The following PCDH17 variants were observed in gnomAD, a reference collection of about 807,000 sequenced individuals.
PCDH17 encodes the protein protocadherin 17, also known as protocadherin-17.
In PCDH17, 21 loss-of-function variants were observed where a neutral mutation model predicts 67.7. The ratio of observed to expected loss-of-function variants is 0.31; its 90% CI spans 0.22 to 0.45. The LOEUF (loss-of-function observed/expected upper bound fraction) is 0.45. PCDH17 is among the 20% of genes least tolerant of loss of function. The pLI is 1.00. For missense variants in PCDH17, 1,471 were observed against 1,564.8 expected, an observed-to-expected ratio of 0.94 and a Z score of 1.01; for synonymous variants, 701 against 656.7, an observed-to-expected ratio of 1.07 and a Z score of -1.03.
rs114034463 is a variant in PCDH17, at chr13:57,697,132, C to T, written c.2798-27480C>T. ...GGCACCTGCTTCAGTTTTCAAATGC[C>T]CCTCTCTTCATTAAGCTGCATGAGC... On this transcript the variant is annotated intron_variant, in intron 3 of 3. Transcript: ENST00000377918. 3.6e-3 allele frequency among the ~76,000 whole-genome samples: 546 copies of T among 151,560 alleles called. 5 individuals are homozygous for T. The highest frequency in any genetic ancestry group is 0.013 in the African/African-American group (525 of 41,444).
At chr13:57,718,743 T>C (rs1290586671) in intron 3 of PCDH17, among the ~76,000 whole-genome samples, 1 of 152,052 alleles carries the variant, frequency 6.6e-6, no homozygotes, top group Non-Finnish European at 1.5e-5. Context: ...ATGAGATTTC[T>C]GTTTTAGCAT....
chr13:57,632,480 G>C lies in PCDH17; in HGVS notation c.-67G>C, dbSNP rs1431215852. On this transcript the variant is annotated 5_prime_UTR_variant, in exon 1 of 4. Coordinates refer to ENST00000377918, the MANE Select transcript of PCDH17 (RefSeq NM_001040429.3). ...CGCGCACGCTGCGCCAGGGCCCCAGGCTGGCGCGCACTCCCTCTCTGGCTC... is the reference window on the plus strand; with the variant it reads ...CGCGCACGCTGCGCCAGGGCCCCAGCCTGGCGCGCACTCCCTCTCTGGCTC... The C allele has an allele frequency of 1.3e-6, 2 of 1,501,200 alleles. No individual in the cohort carries two copies. The highest frequency in any genetic ancestry group is 9.0e-7 in the Non-Finnish European group (1 of 1,112,878). The allele number at this position is 1,501,200 out of a possible 1,614,324, so 93.0% of individuals were successfully genotyped here.
At chr13:57,713,676 T>C (rs1037550688) in intron 3 of PCDH17, among the ~76,000 whole-genome samples, 1 of 151,636 alleles carries the variant, frequency 6.6e-6, no homozygotes, top group Non-Finnish European at 1.5e-5. Flanking sequence ...ATAGGAGACA[T>C]TTGTATGTAT....
chr13:57,687,774 G>A (rs1955521524), intron 3 of PCDH17, among the ~76,000 whole-genome samples: 1 of 151,990 alleles, frequency 6.6e-6, no homozygotes, highest in South Asian at 2.1e-4. Context: ...CCACACAAAA[G>A]GATGAATAAC....
chr13:57,686,841 T>C (rs960986529), intron 3 of PCDH17, among the ~76,000 whole-genome samples: 1 of 152,044 alleles, frequency 6.6e-6, no homozygotes, highest in African/African-American at 2.4e-5. Flanking sequence ...ATTAAATAAT[T>C]CGAAAACTTC....
rs1468622286 is a variant in PCDH17, at chr13:57,725,275, C to T, written c.3461C>T (p.Pro1154Leu). 3.1e-6 allele frequency: 5 copies of T among 1,593,764 alleles called. No individual in the cohort carries two copies. The highest frequency in any genetic ancestry group is 4.3e-6 in the Non-Finnish European group (5 of 1,172,316). Reference sequence around the variant, plus strand: ...TTGCAAGACTGCCGGGGAAACGACCCTGTGGCTGTGAGAAAGTGAAAAAAG... The same window carrying T: ...TTGCAAGACTGCCGGGGAAACGACCTTGTGGCTGTGAGAAAGTGAAAAAAG... ...KLLQDCRGND[P>L]VAVRK is the part of the protein sequence containing the mutation. The change falls in exon 4 of 4, where the codon CCT becomes CTT. Residue 1154 changes from proline to leucine, a missense_variant. By Grantham distance (98) the Pro-to-Leu change is moderately conservative. Coordinates refer to ENST00000377918, the MANE Select transcript of PCDH17 (RefSeq NM_001040429.3).
At chr13:57,637,051 A>G (rs983618397) in intron 1 of PCDH17, among the ~76,000 whole-genome samples, 2 of 152,130 alleles carry the variant, frequency 1.3e-5, no homozygotes, top group Admixed American at 6.6e-5. Flanking sequence ...TCATTGCTTA[A>G]GGAGGAATAG....
intron 3 of PCDH17, among the ~76,000 whole-genome samples, chr13:57,715,091 A>C (rs1955806537): frequency 6.6e-6 from 1 of 151,842 alleles, no homozygotes; most frequent in Admixed American, 6.6e-5. Context: ...TCATAATTTA[A>C]AATGGTATTT....
chr13:57,727,486 G>C lies in PCDH17; in HGVS notation c.*2192G>C, dbSNP rs1185051357. ...TCCGCCAAATGCCATCAATATTTTA[G>C]ACTGTACCTCGTTTGCAAAACTGCT... On this transcript the variant is annotated 3_prime_UTR_variant, in exon 4 of 4. Coordinates refer to ENST00000377918, the MANE Select transcript of PCDH17 (RefSeq NM_001040429.3). 6.6e-6 allele frequency: 1 copy of C among 152,122 alleles called. No individual in the cohort carries two copies. The highest frequency in any genetic ancestry group is 1.5e-5 in the Non-Finnish European group (1 of 68,002). 9.4% of individuals were successfully genotyped at this position (152,122 alleles called of 1,614,324 possible).
Position 57,725,292 on chromosome 13 carries a change from TG to T in PCDH17, c.3479del (p.Ter1160=). On this transcript the variant is annotated frameshift_variant and stop_lost, in exon 4 of 4. Transcript: ENST00000377918. LOFTEE classifies it high-confidence loss of function. ...RGNDPVAVRK* is the reference protein window; with the variant it reads ...RGNDPVAVRKX ...AAACGACCCTGTGGCTGTGAGAAAG[TG>T]AAAAAAGAAAAAAAAAAAGGCATTG... 6.6e-7 allele frequency: 1 copy of T among 1,518,022 alleles called. No homozygotes were observed. 94.0% of individuals were successfully genotyped at this position (1,518,022 alleles called of 1,614,324 possible).
chr13:57,636,802 T>C (rs890366395), intron 1 of PCDH17, among the ~76,000 whole-genome samples: 2 of 152,176 alleles, frequency 1.3e-5, no homozygotes, highest in Non-Finnish European at 2.9e-5. Flanking sequence ...ACCTTTCTTA[T>C]ATTTTTACCA....
chr13:57,634,527 C>G lies in PCDH17; in HGVS notation c.1981C>G (p.Leu661Val). Residue 661 changes from leucine to valine, a missense_variant, in exon 1 of 4, where the codon CTG (leucine) becomes GTG (valine). This residue lies in a region of PCDH17 where 1,163 missense variants were observed against 1,230.0 expected (regional missense o/e 0.95). Coordinates refer to ENST00000377918, the MANE Select transcript of PCDH17 (RefSeq NM_001040429.3). The surrounding 1 kb of genome is among the most constrained non-coding windows in gnomAD (Gnocchi z 7.8). Reference sequence around the variant, plus strand: ...GGAGGACGTGACGCCCGTGGTGGAGCTGGTGGTGAAGGTGACCGACCACGG... The same window carrying G: ...GGAGGACGTGACGCCCGTGGTGGAGGTGGTGGTGAAGGTGACCGACCACGG... ...FWEDVTPVVELVVKVTDHGKP... is the reference protein window; with the variant it reads ...FWEDVTPVVEVVVKVTDHGKP... The G allele has an allele frequency of 6.2e-7, 1 of 1,612,998 alleles. No homozygotes were observed. The highest frequency in any genetic ancestry group is 8.5e-7 in the Non-Finnish European group (1 of 1,179,990).
At chr13:57,679,106 T>C (rs1279285935) in intron 3 of PCDH17, among the ~76,000 whole-genome samples, 2 of 151,472 alleles carry the variant, frequency 1.3e-5, no homozygotes, top group Non-Finnish European at 3.0e-5. Flanking sequence ...TCAGTTTTAT[T>C]CACCAAAAAA....
At chr13:57,683,632 A>G (rs1207901271) in intron 3 of PCDH17, among the ~76,000 whole-genome samples, 1 of 151,882 alleles carries the variant, frequency 6.6e-6, no homozygotes, top group Non-Finnish European at 1.5e-5. Flanking sequence ...CATGAGACAA[A>G]TCAGCAAAAT....
rs1055221054 is a variant in PCDH17, at chr13:57,727,708, T to C, written c.*2414T>C. ...TTGGACAATTTATGTATCTGAAATG[T>C]GTTGTCTCTGTTATATGATGTTATT... On this transcript the variant is annotated 3_prime_UTR_variant, in exon 4 of 4. Transcript: ENST00000377918. 6 of 152,270 alleles carry C rather than the reference T, an allele frequency of 3.9e-5. No homozygotes were observed. Among genetic ancestry groups the C allele is most frequent in the Admixed American group, 1.3e-4 (2 of 15,280 alleles). The allele number at this position is 152,270 out of a possible 1,614,324, so 9.4% of individuals were successfully genotyped here.
At chr13:57,694,336 T>G (rs1266065744) in intron 3 of PCDH17, among the ~76,000 whole-genome samples, 1 of 151,270 alleles carries the variant, frequency 6.6e-6, no homozygotes, top group Non-Finnish European at 1.5e-5. Context: ...CAGCAATACC[T>G]TGCATACTTA....
chr13:57,652,284 CAAAAAAAA>C (rs11435613), intron 1 of PCDH17, among the ~76,000 whole-genome samples: 1 of 117,262 alleles, frequency 8.5e-6, no homozygotes, highest in East Asian at 2.5e-4. Flanking sequence ...GACTCCGTCT[CAAAAAAAA>C]AAAAAAAAAA....
intron 3 of PCDH17, among the ~76,000 whole-genome samples, chr13:57,681,852 T>C (rs2138048880): frequency 6.6e-6 from 1 of 151,898 alleles, no homozygotes; most frequent in Middle Eastern, 3.4e-3. Flanking sequence ...GTTGTATTTA[T>C]TAAGTGCTAG....
At position 57,632,357 on chromosome 13, in the gene PCDH17, G is replaced by C. The variant is rs1237399768; in HGVS notation, c.-190G>C. ...CCAGTGCGGATGCTGTAGATCAACA[G>C]GTTCAGGGAACTTGAGCAGAATAAG... On this transcript the variant is annotated 5_prime_UTR_variant, in exon 1 of 4. Transcript: ENST00000377918. 1.6e-6 allele frequency: 1 copy of C among 612,170 alleles called. No individual in the cohort carries two copies. Among genetic ancestry groups the C allele is most frequent in the Non-Finnish European group, 2.9e-6 (1 of 349,340 alleles). The allele number at this position is 612,170 out of a possible 1,614,324, so 37.9% of individuals were successfully genotyped here. A position where few individuals can be genotyped will look rare whatever the true frequency, so the allele number is the denominator to read the frequency against.
Sources: allele counts gnomAD v4.1 joint callset (sites outside exome capture counted in the v4.1 genomes callset), GRCh38; gene constraint gnomAD v4.1.1; regional missense constraint gnomAD v4.1.1; non-coding constraint Gnocchi (gnomAD v3.1); transcripts MANE v1.5; gene names NCBI Gene and HGNC (gene_info 2026-07-23, HGNC 2026-07-21).